Variants in MAGI2 observed in about 807,000 individuals in gnomAD.
The protein encoded by MAGI2 is membrane-associated guanylate kinase, WW and PDZ domain-containing protein 2.
A neutral mutation model predicts 133.3 loss-of-function variants in MAGI2; 35 were observed. The ratio of observed to expected loss-of-function variants is 0.26; its 90% CI spans 0.20 to 0.35. MAGI2 has a LOEUF of 0.35. Ranked by LOEUF, MAGI2 falls within the 10% of genes least tolerant of loss-of-function variation. The pLI is 1.00. For synonymous variants in MAGI2, 729 were observed against 710.6 expected, an observed-to-expected ratio of 1.03 and a Z score of -0.41; for missense variants, 1,636 against 1,863.4, an observed-to-expected ratio of 0.88 and a Z score of 2.25.
rs575164123 is a variant in MAGI2, at chr7:79,209,409, T to C, written c.302-202203A>G. Among the ~76,000 whole-genome samples the C allele has an allele frequency of 3.0e-4, 46 of 152,188 alleles. 2 individuals carry two copies. The highest frequency in any genetic ancestry group is 1.2e-3 in the South Asian group (6 of 4,830). On this transcript the variant is annotated intron_variant, in intron 1 of 21. Coordinates refer to ENST00000354212, the MANE Select transcript of MAGI2 (RefSeq NM_012301.4). ...ATATATTGTGAAACATCTTAAAGCA[T>C]TTGTAAGAACTTACAAAAATAAGGA...
intron 2 of MAGI2, among the ~76,000 whole-genome samples, chr7:78,924,477 G>A (rs1029838407): frequency 6.6e-6 from 1 of 152,102 alleles, no homozygotes; most frequent in African/African-American, 2.4e-5. Context: ...CTTTGGTTCT[G>A]TTTATATGCT....
intron 11 of MAGI2, among the ~76,000 whole-genome samples, chr7:78,196,452 T>C (rs1426894856): frequency 9.9e-5 from 15 of 152,210 alleles, no homozygotes; most frequent in Non-Finnish European, 1.6e-4. Flanking sequence ...ACAGTTTTGA[T>C]ATACACTACA....
chr7:78,536,755 TGTTG>T (rs1797976488), intron 3 of MAGI2, among the ~76,000 whole-genome samples: 6 of 112,740 alleles, frequency 5.3e-5, no homozygotes, highest in Middle Eastern at 9.7e-3. Flanking sequence ...TTGTTTTTGT[TGTTG>T]TTTTTTTTTT....
At chr7:78,524,794 A>G (rs748955130) in intron 3 of MAGI2, among the ~76,000 whole-genome samples, 1 of 152,198 alleles carries the variant, frequency 6.6e-6, no homozygotes, top group South Asian at 2.1e-4. Context: ...TATGCTTTCT[A>G]TGGAATCTCA....
chr7:79,379,412 C>T (rs1163288299), intron 1 of MAGI2, among the ~76,000 whole-genome samples: 2 of 151,900 alleles, frequency 1.3e-5, no homozygotes, highest in Non-Finnish European at 2.9e-5. Context: ...AATAGTGCCA[C>T]AGTAAACATA....
At chr7:79,002,835 C>G (rs759794929) in intron 2 of MAGI2, among the ~76,000 whole-genome samples, 5 of 146,544 alleles carry the variant, frequency 3.4e-5, no homozygotes, top group Non-Finnish European at 6.0e-5. Flanking sequence ...TCCTTCTATT[C>G]TAAGGGATGT....
intron 1 of MAGI2, among the ~76,000 whole-genome samples, chr7:79,213,315 C>T (rs926415316): frequency 4.1e-5 from 6 of 146,460 alleles, no homozygotes; most frequent in South Asian, 4.2e-4. Flanking sequence ...TTTACACACA[C>T]GTACACACGT....
At chr7:78,835,179 C>T (rs1372979052) in intron 2 of MAGI2, among the ~76,000 whole-genome samples, 1 of 152,160 alleles carries the variant, frequency 6.6e-6, no homozygotes, top group Non-Finnish European at 1.5e-5. Flanking sequence ...ATGGCTGTGC[C>T]ATTTACCTTC....
intron 3 of MAGI2, among the ~76,000 whole-genome samples, chr7:78,533,376 G>T (rs1227732198): frequency 6.6e-6 from 1 of 152,104 alleles, no homozygotes; most frequent in Non-Finnish European, 1.5e-5. Context: ...GAAAAGTAAG[G>T]ACAAGGAGGC....
intron 20 of MAGI2, among the ~76,000 whole-genome samples, chr7:78,117,123 A>C (rs1819944661): frequency 6.6e-6 from 1 of 151,382 alleles, no homozygotes; most frequent in Non-Finnish European, 1.5e-5. Context: ...AACATACATA[A>C]ACTTTCCCAG....
intron 1 of MAGI2, among the ~76,000 whole-genome samples, chr7:79,306,195 AT>A (rs1208130027): frequency 6.9e-6 from 1 of 145,914 alleles, no homozygotes; most frequent in Non-Finnish European, 1.5e-5. Context: ...ACACATATAT[AT>A]ATACATGTAT....
At chr7:79,229,381 C>CA (rs1831155569) in intron 1 of MAGI2, among the ~76,000 whole-genome samples, 1 of 152,100 alleles carries the variant, frequency 6.6e-6, no homozygotes, top group African/African-American at 2.4e-5. Context: ...ATAAGGAATA[C>CA]AGCCTTTGGG....
intron 9 of MAGI2, among the ~76,000 whole-genome samples, chr7:78,266,768 C>T (rs1473672463): frequency 2.6e-5 from 4 of 151,288 alleles, no homozygotes; most frequent in Admixed American, 1.3e-4. Context: ...TTAGTAGAGA[C>T]GGGGTTTCAC....
intron 2 of MAGI2, among the ~76,000 whole-genome samples, chr7:78,729,193 C>T (rs540524752): frequency 1.2e-3 from 190 of 152,246 alleles, no homozygotes; most frequent in African/African-American, 4.4e-3. Context: ...GTGCCAATAT[C>T]CAAACCACTG....
chr7:78,213,200 T>G (rs1361322657), intron 10 of MAGI2, among the ~76,000 whole-genome samples: 1 of 152,206 alleles, frequency 6.6e-6, no homozygotes, highest in Non-Finnish European at 1.5e-5. Flanking sequence ...TCTGAAGTCT[T>G]TCTACTCAAG....
At chr7:78,788,688 C>T (rs1418830202) in intron 2 of MAGI2, among the ~76,000 whole-genome samples, 1 of 152,040 alleles carries the variant, frequency 6.6e-6, no homozygotes, top group African/African-American at 2.4e-5. Context: ...GAAAGTACTA[C>T]ACCTCACCCT....
At chr7:78,432,754 T>C (rs1280456405) in intron 6 of MAGI2, among the ~76,000 whole-genome samples, 1 of 152,018 alleles carries the variant, frequency 6.6e-6, no homozygotes, top group East Asian at 1.9e-4. Context: ...TATTGTGCCA[T>C]ATAGTTTAAA....
chr7:78,681,988 T>C (rs1258190190), intron 2 of MAGI2, among the ~76,000 whole-genome samples: 2 of 141,650 alleles, frequency 1.4e-5, no homozygotes, highest in East Asian at 4.0e-4. Context: ...AATGACCAAG[T>C]AAATTTTTTT....
At chr7:79,360,478 C>T (rs565143127) in intron 1 of MAGI2, among the ~76,000 whole-genome samples, 1 of 152,132 alleles carries the variant, frequency 6.6e-6, no homozygotes, top group Non-Finnish European at 1.5e-5. Flanking sequence ...GGTACGTACA[C>T]TATATCAATT....
Sources: allele counts gnomAD v4.1 joint callset (sites outside exome capture counted in the v4.1 genomes callset), GRCh38; gene constraint gnomAD v4.1.1; transcripts MANE v1.5; gene names NCBI Gene and HGNC (gene_info 2026-07-23, HGNC 2026-07-21).